Variants in CREM observed in about 807,000 individuals in gnomAD.
CREM encodes cAMP-responsive element modulator.
Under a neutral mutation model 37.3 loss-of-function variants are expected in CREM, and 13 were observed. The observed-to-expected ratio is 0.35, with a 90% CI of 0.23 to 0.55. The LOEUF (loss-of-function observed/expected upper bound fraction) is 0.55. Among genes scored for constraint, CREM ranks in the 20% least tolerant of loss-of-function variants. The pLI is 0.88. For missense variants in CREM, 296 were observed against 362.3 expected (o/e 0.82, Z 1.49); for synonymous variants, 124 against 120.2 (o/e 1.03, Z -0.21).
chr10:35,133,784 G>T lies in CREM; in HGVS notation c.-54-3998G>T, dbSNP rs181274137. 2.7e-3 allele frequency among the ~76,000 whole-genome samples: 410 copies of T among 152,344 alleles called. 9 individuals carry two copies. Among genetic ancestry groups the T allele is most frequent in the Admixed American group, 0.025 (379 of 15,304 alleles). On this transcript the variant is annotated intron_variant, in intron 1 of 7. Coordinates refer to ENST00000685392, the MANE Select transcript of CREM (RefSeq NM_183011.2). ...AGTGTGGCTGGCACAATCAGGTTTG[G>T]TGACAAACACAACTAACTCTTGGTA...
chr10:35,141,187 T>C (rs192581601), intron 2 of CREM, among the ~76,000 whole-genome samples: 47 of 152,322 alleles, frequency 3.1e-4, no homozygotes, highest in African/African-American at 8.7e-4. Context: ...AGTGATCTTA[T>C]AGAGTTGTTA....
chr10:35,155,012 TA>T (rs2092809213), intron 3 of CREM, among the ~76,000 whole-genome samples: 1 of 152,206 alleles, frequency 6.6e-6, no homozygotes, highest in South Asian at 2.1e-4. Flanking sequence ...CCCAGTAGTG[TA>T]TTAAAGGTGA....
chr10:35,168,472 G>A (rs925797875), intron 3 of CREM, among the ~76,000 whole-genome samples: 1 of 151,958 alleles, frequency 6.6e-6, no homozygotes, highest in African/African-American at 2.4e-5. Context: ...AAATTTGTTT[G>A]AGTTCATTGT....
chr10:35,185,247 C>T (rs2094508661), intron 5 of CREM, among the ~76,000 whole-genome samples: 2 of 152,012 alleles, frequency 1.3e-5, no homozygotes, highest in South Asian at 4.1e-4. Context: ...GGATTGCAGG[C>T]ATGCACCACC....
chr10:35,146,465 T>C (rs577017041), intron 2 of CREM, among the ~76,000 whole-genome samples: 1 of 152,294 alleles, frequency 6.6e-6, no homozygotes, highest in African/African-American at 2.4e-5. Flanking sequence ...TTCCCTACCC[T>C]TTTTCCCCAG....
intron 3 of CREM, among the ~76,000 whole-genome samples, chr10:35,149,350 G>A (rs1589455572): frequency 6.6e-6 from 1 of 152,184 alleles, no homozygotes; most frequent in East Asian, 1.9e-4. Context: ...GGAACTATGG[G>A]TATTGAGTTT....
chr10:35,156,675 C>T (rs901932571), intron 3 of CREM, among the ~76,000 whole-genome samples: 8 of 152,162 alleles, frequency 5.3e-5, no homozygotes, highest in South Asian at 2.1e-4. Flanking sequence ...ATAGTTGTGA[C>T]GATATCTTCA....
chr10:35,205,878 A>T (rs980678295), intron 6 of CREM, among the ~76,000 whole-genome samples: 12 of 151,940 alleles, frequency 7.9e-5, no homozygotes, highest in African/African-American at 2.9e-4. Flanking sequence ...GAATCGCTTG[A>T]ACTGGGGAGG....
chr10:35,151,822 T>G (rs1016805756), intron 3 of CREM, among the ~76,000 whole-genome samples: 1 of 152,260 alleles, frequency 6.6e-6, no homozygotes, highest in African/African-American at 2.4e-5. Flanking sequence ...ATCATGATTT[T>G]TTGAAGAATT....
intron 2 of CREM, among the ~76,000 whole-genome samples, chr10:35,143,051 A>G (rs1220661167): frequency 6.6e-6 from 1 of 152,018 alleles, no homozygotes; most frequent in Non-Finnish European, 1.5e-5. Flanking sequence ...GCTTACTGCA[A>G]CCTCCAACTC....
intron 6 of CREM, among the ~76,000 whole-genome samples, chr10:35,202,407 CA>C: frequency 2.0e-5 from 3 of 152,236 alleles, no homozygotes; most frequent in Non-Finnish European, 4.4e-5. Context: ...TTTCTCAAAA[CA>C]AGAGATTATC....
Position 35,211,863 on chromosome 10 carries a change from A to G in CREM, c.*465A>G, listed in dbSNP as rs892480263. 61 of 1,442,706 alleles carry G rather than the reference A, an allele frequency of 4.2e-5. No individual in the cohort carries two copies. The highest frequency in any genetic ancestry group is 5.5e-5 in the Non-Finnish European group (60 of 1,084,918). The allele number at this position is 1,442,706 out of a possible 1,614,324, so 89.4% of individuals were successfully genotyped here. On this transcript the variant is annotated 3_prime_UTR_variant, in exon 8 of 8. Coordinates refer to ENST00000685392, the MANE Select transcript of CREM (RefSeq NM_183011.2). ...AGTTGCTTTTGAAGGAATACAATAT[A>G]TAGCTGGCAAGAATGGTGGCTTCTT...
chr10:35,201,601 T>C, intron 6 of CREM: 2 of 1,339,244 alleles, frequency 1.5e-6, no homozygotes, highest in East Asian at 2.5e-5. Flanking sequence ...TTGAGAGTTC[T>C]AGGAATTTTC....
chr10:35,138,244 G>T (rs1033925537), intron 2 of CREM, among the ~76,000 whole-genome samples: 7 of 152,186 alleles, frequency 4.6e-5, no homozygotes, highest in Non-Finnish European at 7.4e-5. Context: ...TAAAACAGAA[G>T]AAAGTCTCTA....
chr10:35,130,850 T>C (rs2089232260), intron 1 of CREM, among the ~76,000 whole-genome samples: 2 of 152,220 alleles, frequency 1.3e-5, no homozygotes, highest in Admixed American at 1.3e-4. Context: ...TTTCTAAGAA[T>C]GTATCCCCAT....
intron 3 of CREM, among the ~76,000 whole-genome samples, chr10:35,161,538 C>T (rs1260134317): frequency 6.6e-6 from 1 of 151,706 alleles, no homozygotes; most frequent in East Asian, 2.0e-4. Context: ...GTGTTGTGCA[C>T]CTGTAATCCC....
chr10:35,189,215 T>G (rs1460020962), intron 6 of CREM, among the ~76,000 whole-genome samples: 2 of 151,860 alleles, frequency 1.3e-5, no homozygotes, highest in East Asian at 3.9e-4. Flanking sequence ...CTGACTGTTC[T>G]TAGTTGTTTG....
intron 6 of CREM, among the ~76,000 whole-genome samples, chr10:35,199,887 CTTTTTTTTT>C (rs5784443): frequency 1.6e-5 from 2 of 121,370 alleles, no homozygotes; most frequent in East Asian, 2.4e-4. Context: ...GTTAAAATGG[CTTTTTTTTT>C]TTTTTTTTTT....
intron 3 of CREM, among the ~76,000 whole-genome samples, chr10:35,163,240 T>C (rs769623083): frequency 1.3e-4 from 19 of 151,880 alleles, no homozygotes; most frequent in Admixed American, 3.9e-4. Context: ...TAAAAAAAAA[T>C]AGAGAACAAA....
Sources: gnomAD v4.1 joint callset for allele counts (sites outside exome capture counted in the v4.1 genomes callset) on GRCh38, gnomAD v4.1.1 for gene constraint, MANE v1.5 for transcripts, NCBI Gene and HGNC (gene_info 2026-07-23, HGNC 2026-07-21) for gene names.